Variants in CKAP2 observed in about 807,000 individuals in gnomAD.
CKAP2 encodes the protein cytoskeleton associated protein 2.
A neutral mutation model predicts 58.4 loss-of-function variants in CKAP2; 46 were observed. The observed-to-expected ratio is 0.79, with a 90% confidence interval of 0.62 to 1.01. The LOEUF is 1.01. Among genes scored for constraint, CKAP2 ranks in the 50% least tolerant of loss-of-function variants. CKAP2 has a pLI of 0.00. For missense variants in CKAP2, 809 were observed against 796.4 expected (o/e 1.02, Z -0.19); for synonymous variants, 293 against 280.9 (o/e 1.04, Z -0.43).
intron 3 of CKAP2, 25 bp from the exon 4 acceptor site, chr13:52,461,033 C>T (rs1958565625): frequency 6.2e-7 from 1 of 1,602,358 alleles, no homozygotes; most frequent in Non-Finnish European, 8.5e-7. Flanking sequence ...CTTTCCTAAA[C>T]ACTTTTCTTA....
chr13:52,456,488 A>T, intron 1 of CKAP2, 35 bp from the exon 2 acceptor site: 1 of 1,449,466 alleles, frequency 6.9e-7, no homozygotes, highest in South Asian at 1.2e-5. Flanking sequence ...TGTTTTAACT[A>T]ATATTGACTT....
intron 2 of CKAP2, among the ~76,000 whole-genome samples, chr13:52,457,809 G>A (rs1421741041): frequency 5.9e-5 from 9 of 152,044 alleles, no homozygotes; most frequent in African/African-American, 1.4e-4. Context: ...AGCCGAGATC[G>A]TGCCATTGCA....
chr13:52,456,604 C>T lies in CKAP2; in HGVS notation c.152C>T (p.Ser51Phe). 6.2e-7 allele frequency: 1 copy of T among 1,608,628 alleles called. No individual in the cohort carries two copies. Among genetic ancestry groups the T allele is most frequent in the Non-Finnish European group, 8.5e-7 (1 of 1,175,272 alleles). Residue 51 changes from serine (S) to phenylalanine (F), a missense_variant, in exon 2 of 9, where the codon TCC becomes TTC. By Grantham distance (155) the Ser-to-Phe change is radical. Coordinates refer to ENST00000258607, the MANE Select transcript of CKAP2 (RefSeq NM_018204.5). Reference sequence around the variant, plus strand: ...TACAAGCAGGAAAATGAGATGTTATCCAGGTAAGGTCAAGTTTATTTCTTT... The same window carrying T: ...TACAAGCAGGAAAATGAGATGTTATTCAGGTAAGGTCAAGTTTATTTCTTT... ...FAYKQENEML[S>F]SRDQRVVTSE...
chr13:52,470,816 C>G lies in CKAP2; in HGVS notation c.1546+2469C>G, dbSNP rs555242185. Among the ~76,000 whole-genome samples, 9 of 152,082 alleles carry G rather than the reference C, an allele frequency of 5.9e-5. No individual in the cohort carries two copies. In the South Asian group the frequency reaches 1.0e-3, roughly 18 times the overall value. On this transcript the variant is annotated intron_variant, in intron 7 of 8. Coordinates refer to ENST00000258607, the MANE Select transcript of CKAP2 (RefSeq NM_018204.5). ...GAGAAGGAGGGAGAGAAGGGAAAAC[C>G]GAGGAAAGATTAGTGTACCACAAAC...
chr13:52,471,734 T>G (rs1958763795), intron 7 of CKAP2, among the ~76,000 whole-genome samples: 1 of 152,196 alleles, frequency 6.6e-6, no homozygotes, highest in South Asian at 2.1e-4. Flanking sequence ...TTTCCCCAGC[T>G]AATCAAATTC....
At chr13:52,456,486 C>A (rs748372977) in intron 1 of CKAP2, 37 bp from the exon 2 acceptor site, 1 of 1,440,326 alleles carries the variant, frequency 6.9e-7, no homozygotes, top group Admixed American at 1.9e-5. Context: ...GATGTTTTAA[C>A]TAATATTGAC....
chr13:52,459,361 C>T (rs1003169857), intron 2 of CKAP2, among the ~76,000 whole-genome samples: 2 of 152,004 alleles, frequency 1.3e-5, no homozygotes, highest in Admixed American at 1.3e-4. Context: ...CTTGCTCTGT[C>T]GCCTAGGCTA....
chr13:52,467,453 A>G (rs555614224), intron 6 of CKAP2, among the ~76,000 whole-genome samples: 1 of 152,280 alleles, frequency 6.6e-6, no homozygotes, highest in South Asian at 2.1e-4. Flanking sequence ...GTGGTGGCTC[A>G]CACCTGTAAT....
intron 6 of CKAP2, chr13:52,465,691 A>T: frequency 1.6e-6 from 1 of 624,804 alleles, no homozygotes; most frequent in African/African-American, 1.8e-5. Context: ...TATAAGCTGA[A>T]ATGTATATTT....
intron 5 of CKAP2, among the ~76,000 whole-genome samples, chr13:52,463,381 G>T (rs1437072600): frequency 6.6e-6 from 1 of 152,184 alleles, no homozygotes; most frequent in Non-Finnish European, 1.5e-5. Context: ...GGACAGTCTG[G>T]TTGTTTGGCA....
intron 7 of CKAP2, among the ~76,000 whole-genome samples, 157 bp downstream of exon 7, chr13:52,468,504 T>A (rs1958715054): frequency 6.6e-6 from 1 of 152,190 alleles, no homozygotes; most frequent in Non-Finnish European, 1.5e-5. Context: ...ACAGATTATT[T>A]TATCACCCAG....
At position 52,461,687 on chromosome 13, in the gene CKAP2, A is replaced by G. The variant is rs780126187; in HGVS notation, c.861A>G (p.Lys287=). The change falls in exon 4 of 9, where the codon AAA becomes AAG. Residue 287 remains lysine (K), a synonymous_variant. Transcript: ENST00000258607. Reference sequence around the variant, plus strand: ...CAATCCGGAAAGGGCCTCATGAAAAAGAACTATTACAATCAAAAACAGCTT... The same window carrying G: ...CAATCCGGAAAGGGCCTCATGAAAAGGAACTATTACAATCAAAAACAGCTT... The part of the protein sequence containing the change: ...NVTIRKGPHE[K]ELLQSKTALS... 1.5e-5 allele frequency: 24 copies of G among 1,613,990 alleles called. No individual in the cohort carries two copies. Among genetic ancestry groups the G allele is most frequent in the Non-Finnish European group, 1.9e-5 (22 of 1,180,014 alleles).
intron 2 of CKAP2, among the ~76,000 whole-genome samples, chr13:52,457,211 A>T (rs1958501526): frequency 2.0e-5 from 3 of 152,140 alleles, no homozygotes; most frequent in Admixed American, 2.0e-4. Context: ...ATCGTTTTCT[A>T]CGTAAATTAA....
intron 1 of CKAP2, 107 bp from the exon 2 acceptor site, chr13:52,456,416 G>A (rs1958480356): frequency 1.1e-6 from 1 of 921,258 alleles, no homozygotes; most frequent in Non-Finnish European, 1.7e-6. Context: ...GTGACCTCAG[G>A]TGGAACCAGC....
chr13:52,458,719 C>T (rs1422962788), intron 2 of CKAP2, among the ~76,000 whole-genome samples: 3 of 151,936 alleles, frequency 2.0e-5, no homozygotes, highest in Non-Finnish European at 4.4e-5. Flanking sequence ...AAAAATTAGC[C>T]GGGTGTGGTG....
Position 52,456,530 on chromosome 13 carries a change from A to C in CKAP2, c.78A>C (p.Arg26Ser), listed in dbSNP as rs756482176. 6.2e-7 allele frequency: 1 copy of C among 1,612,138 alleles called. No individual in the cohort carries two copies. The highest frequency in any genetic ancestry group is 1.7e-4 in the Middle Eastern group (1 of 6,058). ...QRAQSAFKEQ[R>S]RQKLKEHLLR... ...CTTACCTTTGTTATCTAGAGCAAAG[A>C]AGACAAAAACTCAAGGAACATCTGT... is the stretch of plus-strand genomic sequence containing the variant. The change falls in exon 2 of 9, where the codon AGA becomes AGC. Residue 26 changes from arginine to serine, a missense_variant. By Grantham distance (110) the Arg-to-Ser change is moderately radical. Coordinates refer to ENST00000258607, the MANE Select transcript of CKAP2 (RefSeq NM_018204.5).
At chr13:52,473,168 T>G (rs540997034) in intron 7 of CKAP2, among the ~76,000 whole-genome samples, 14 of 152,332 alleles carry the variant, frequency 9.2e-5, no homozygotes, top group Middle Eastern at 3.4e-3. Flanking sequence ...CATCACAGAT[T>G]GTTACTTTTC....
chr13:52,464,079 T>C (rs545109986), intron 5 of CKAP2, among the ~76,000 whole-genome samples: 1 of 152,362 alleles, frequency 6.6e-6, no homozygotes, highest in South Asian at 2.1e-4. Context: ...CTAATTAATA[T>C]GTAATACACT....
At chr13:52,463,898 T>A (rs1012817544) in intron 5 of CKAP2, among the ~76,000 whole-genome samples, 1 of 152,218 alleles carries the variant, frequency 6.6e-6, no homozygotes, top group Non-Finnish European at 1.5e-5. Flanking sequence ...TTTCACCTTG[T>A]CGCCTGTAGG....
Sources: allele counts gnomAD v4.1 joint callset (sites outside exome capture counted in the v4.1 genomes callset), GRCh38; gene constraint gnomAD v4.1.1; transcripts MANE v1.5; gene names NCBI Gene and HGNC (gene_info 2026-07-23, HGNC 2026-07-21).